Variants in SSH1 observed in about 807,000 individuals in gnomAD.
SSH1 encodes the protein protein phosphatase Slingshot homolog 1.
Under a neutral mutation model 79.7 loss-of-function variants are expected in SSH1, and 43 were observed. The ratio of observed to expected loss-of-function variants is 0.54; its 90% CI spans 0.42 to 0.70. The LOEUF (loss-of-function observed/expected upper bound fraction) is 0.70, where lower values mean the gene tolerates loss of function less well. Among genes scored for constraint, SSH1 ranks in the 30% least tolerant of loss-of-function variants. The pLI is 0.00. For synonymous variants in SSH1, 599 were observed against 538.3 expected (o/e 1.11, Z -1.56); for missense variants, 1,206 against 1,358.8 (o/e 0.89, Z 1.77).
chr12:108,827,347 G>A (rs117096112), intron 2 of SSH1: 31,693 of 1,549,118 alleles, frequency 0.02, 403 homozygotes, highest in Non-Finnish European at 0.025. Flanking sequence ...AAAGAGGTTC[G>A]TGGCTGCAGT....
In SSH1 at chr12:108,788,346, T is replaced by C. The variant is rs200584556; in HGVS notation, c.2792A>G (p.Asn931Ser). The C allele has an allele frequency of 3.7e-6, 6 of 1,613,100 alleles. No homozygotes were observed. Among genetic ancestry groups the C allele is most frequent in the East Asian group, 2.2e-5 (1 of 44,860 alleles). Residue 931 changes from asparagine to serine, a missense_variant, in exon 15 of 15, where the codon AAC becomes AGC. Physicochemically the swap from Asn to Ser is conservative, Grantham distance 46. This residue lies in a region of SSH1 where 709 missense variants were observed against 730.6 expected (regional missense o/e 0.97). Coordinates refer to ENST00000326495, the MANE Select transcript of SSH1 (RefSeq NM_018984.4). ...ATCGCTGCTGGAGCTCCGGGTCAGGTTGGAGCTCATGGAAGAGGAGGTGGG... is the reference window on the plus strand; with the variant it reads ...ATCGCTGCTGGAGCTCCGGGTCAGGCTGGAGCTCATGGAAGAGGAGGTGGG... ...YTPTSSSMSSNLTRSSSSDSI... is the reference protein window; with the variant it reads ...YTPTSSSMSSSLTRSSSSDSI...
At chr12:108,822,061 TCTTTC>T (rs1324342919) in intron 3 of SSH1, among the ~76,000 whole-genome samples, 1 of 152,164 alleles carries the variant, frequency 6.6e-6, no homozygotes, top group Non-Finnish European at 1.5e-5. Context: ...TTTTCCTCTT[TCTTTC>T]TTTTTGAGAT....
intron 2 of SSH1, chr12:108,827,413 C>A: frequency 7.1e-7 from 1 of 1,409,954 alleles, no homozygotes; most frequent in Non-Finnish European, 9.3e-7. Context: ...CATCTGCTCC[C>A]TATGGAGATC....
chr12:108,842,281 A>C lies in SSH1; in HGVS notation c.110+10357T>G, dbSNP rs146278138. ...TGACCCCAATGTTTAAATATGCCCC[A>C]ATGTTTAAAAGTGGGAGTCAATGGG... On this transcript the variant is annotated intron_variant, in intron 2 of 14. Coordinates refer to ENST00000326495, the MANE Select transcript of SSH1 (RefSeq NM_018984.4). Among the ~76,000 whole-genome samples the C allele has an allele frequency of 6.1e-3, 927 of 152,324 alleles. 6 individuals carry two copies. The highest frequency in any genetic ancestry group is 9.3e-3 in the Non-Finnish European group (635 of 68,030).
At chr12:108,795,112 G>A (rs780672602) in intron 13 of SSH1, among the ~76,000 whole-genome samples, 9 of 152,100 alleles carry the variant, frequency 5.9e-5, no homozygotes, top group Non-Finnish European at 1.3e-4. Flanking sequence ...TCAGAGAAAG[G>A]CACAGACGTG....
Position 108,857,583 on chromosome 12 carries a change from T to C in SSH1, c.-87A>G, listed in dbSNP as rs1233127968. On this transcript the variant is annotated 5_prime_UTR_variant, in exon 1 of 15. Transcript: ENST00000326495. This position sits in a 1 kb window ranked among gnomAD's most constrained non-coding sequence, Gnocchi z 4.7. ...CGCCCGGGCCGGGCCCGGGGCCTCC[T>C]GGAGCCGCGCGCGGGCGGCCGGGCC... 3.8e-5 allele frequency: 30 copies of C among 799,470 alleles called. No individual in the cohort carries two copies. The highest frequency in any genetic ancestry group is 5.4e-5 in the South Asian group (1 of 18,380). 49.5% of individuals were successfully genotyped at this position (799,470 alleles called of 1,614,324 possible).
At chr12:108,794,987 G>A (rs1166915243) in intron 13 of SSH1, among the ~76,000 whole-genome samples, 3 of 152,076 alleles carry the variant, frequency 2.0e-5, no homozygotes, top group African/African-American at 4.8e-5. Flanking sequence ...CAGATTCACT[G>A]AGCCAGATGA....
At chr12:108,792,943 GA>G in intron 13 of SSH1, 114 bp from the exon 14 acceptor site, 3 of 1,242,614 alleles carry the variant, frequency 2.4e-6, no homozygotes, top group Non-Finnish European at 3.4e-6. Context: ...CGCCAGGGAC[GA>G]TCCATGGCTC....
At chr12:108,856,242 T>C (rs563694116) in intron 1 of SSH1, among the ~76,000 whole-genome samples, 19 of 152,276 alleles carry the variant, frequency 1.2e-4, no homozygotes, top group East Asian at 1.2e-3. Context: ...GTGGGCAAGA[T>C]TGCGCGACCA....
At chr12:108,827,259 G>A (rs1314811761) in intron 2 of SSH1, 17 of 1,547,402 alleles carry the variant, frequency 1.1e-5, no homozygotes, top group Admixed American at 2.0e-5. Context: ...GTGGTCATAC[G>A]TACTAATTTG....
At chr12:108,852,136 TATA>T (rs1052640947) in intron 2 of SSH1, among the ~76,000 whole-genome samples, 25 of 152,194 alleles carry the variant, frequency 1.6e-4, no homozygotes, top group African/African-American at 5.3e-4. Context: ...CCAAGCGTTA[TATA>T]ATATTATTAA....
At chr12:108,827,117 T>C (rs562275352) in intron 2 of SSH1, 380 of 683,948 alleles carry the variant, frequency 5.6e-4, no homozygotes, top group Non-Finnish European at 8.0e-4. Flanking sequence ...TTCATAAGAT[T>C]AAAGTTTCTC....
chr12:108,818,189 C>A, intron 4 of SSH1, 60 bp downstream of exon 4: 6 of 960,116 alleles, frequency 6.2e-6, no homozygotes, highest in South Asian at 1.3e-5. Context: ...CAGAGCAAGA[C>A]CCTCATCTCA....
intron 14 of SSH1, among the ~76,000 whole-genome samples, chr12:108,789,542 T>G (rs900702774): frequency 1.3e-5 from 2 of 152,174 alleles, no homozygotes; most frequent in Non-Finnish European, 2.9e-5. Context: ...CATGCCTCTG[T>G]GTCCCCACCC....
At chr12:108,796,355 T>TC (rs1203236392) in intron 13 of SSH1, among the ~76,000 whole-genome samples, 1 of 152,180 alleles carries the variant, frequency 6.6e-6, no homozygotes, top group African/African-American at 2.4e-5. Flanking sequence ...GAACAGTAAC[T>TC]CCCCATTCCC....
chr12:108,847,495 G>A (rs138968478), intron 2 of SSH1, among the ~76,000 whole-genome samples: 3,546 of 152,082 alleles, frequency 0.023, 148 homozygotes, highest in African/African-American at 0.082. Flanking sequence ...ACAGAGTCTC[G>A]CTCTGTTGCC....
intron 4 of SSH1, among the ~76,000 whole-genome samples, chr12:108,817,898 A>G (rs1023495827): frequency 6.6e-6 from 1 of 151,992 alleles, no homozygotes; most frequent in African/African-American, 2.4e-5. Context: ...AGGTTTCACA[A>G]TTAAAAATTA....
chr12:108,837,322 A>G (rs774291686), intron 2 of SSH1, among the ~76,000 whole-genome samples: 1 of 152,220 alleles, frequency 6.6e-6, no homozygotes, highest in South Asian at 2.1e-4. Context: ...AAGAGACAGG[A>G]TAACTAGATG....
At chr12:108,798,655 G>A (rs1301565920) in intron 13 of SSH1, among the ~76,000 whole-genome samples, 2 of 152,222 alleles carry the variant, frequency 1.3e-5, no homozygotes, top group African/African-American at 4.8e-5. Flanking sequence ...CACAGGGCTT[G>A]GCACAAACCA....
Sources: gnomAD v4.1 joint callset for allele counts (sites outside exome capture counted in the v4.1 genomes callset) on GRCh38, gnomAD v4.1.1 for gene constraint, gnomAD v4.1.1 regional missense constraint, Gnocchi (gnomAD v3.1) non-coding constraint, MANE v1.5 for transcripts, NCBI Gene and HGNC (gene_info 2026-07-23, HGNC 2026-07-21) for gene names.